Variants in SMIM35 observed in about 807,000 individuals in gnomAD.
SMIM35 encodes small integral membrane protein 35.
At chr11:118,077,461 G>C (rs756311465) in intron 1 of SMIM35, among the ~76,000 whole-genome samples, 1 of 152,118 alleles carries the variant, frequency 6.6e-6, no homozygotes, top group Non-Finnish European at 1.5e-5. Flanking sequence ...ACCCCAGCCC[G>C]GTACACGTCT....
chr11:118,012,988 C>T (rs1328289471), intron 4 of SMIM35, among the ~76,000 whole-genome samples: 1 of 152,170 alleles, frequency 6.6e-6, no homozygotes, highest in African/African-American at 2.4e-5. Flanking sequence ...ATCTGTGACC[C>T]CTCCTACAGG....
intron 1 of SMIM35, among the ~76,000 whole-genome samples, chr11:118,052,794 G>A (rs949399532): frequency 7.9e-5 from 12 of 151,924 alleles, no homozygotes; most frequent in African/African-American, 1.9e-4. Flanking sequence ...CTCACCCTCC[G>A]AGACCCACAG....
At chr11:118,071,060 C>T (rs1429530279) in intron 1 of SMIM35, among the ~76,000 whole-genome samples, 1 of 152,226 alleles carries the variant, frequency 6.6e-6, no homozygotes, top group Non-Finnish European at 1.5e-5. Flanking sequence ...TTTCCACAGG[C>T]AAAAGAGCCT....
At chr11:118,062,026 G>T (rs761004848) in intron 1 of SMIM35, among the ~76,000 whole-genome samples, 2 of 152,110 alleles carry the variant, frequency 1.3e-5, no homozygotes, top group Non-Finnish European at 2.9e-5. Context: ...TTCCAATTTT[G>T]TTTCATCAAA....
At chr11:118,028,083 T>C (rs2058288955) in intron 1 of SMIM35, among the ~76,000 whole-genome samples, 1 of 152,254 alleles carries the variant, frequency 6.6e-6, no homozygotes, top group Non-Finnish European at 1.5e-5. Context: ...TCTGGAGTCA[T>C]GCCAATTGGG....
chr11:118,019,961 T>C (rs1199038795), intron 1 of SMIM35, among the ~76,000 whole-genome samples: 1 of 152,222 alleles, frequency 6.6e-6, no homozygotes, highest in East Asian at 1.9e-4. Context: ...TCTTAATTAC[T>C]ATGGTCTCAT....
intron 1 of SMIM35, chr11:118,025,403 G>T (rs1342861514): frequency 2.5e-6 from 1 of 398,668 alleles, no homozygotes; most frequent in Non-Finnish European, 5.1e-6. Flanking sequence ...TTTACATTTC[G>T]ACCAACAGTG....
At chr11:118,014,285 C>G (rs2058165835) in intron 3 of SMIM35, among the ~76,000 whole-genome samples, 1 of 151,476 alleles carries the variant, frequency 6.6e-6, no homozygotes, top group Non-Finnish European at 1.5e-5. Flanking sequence ...TAGCATCTTT[C>G]TGAATAAATG....
chr11:118,079,505 A>G (rs140280913), intron 1 of SMIM35, among the ~76,000 whole-genome samples: 154 of 152,320 alleles, frequency 1.0e-3, no homozygotes, highest in African/African-American at 3.5e-3. Flanking sequence ...GTCCCATGCT[A>G]ACTACTCCAT....
chr11:118,019,495 G>A (rs1436303188), intron 1 of SMIM35, among the ~76,000 whole-genome samples: 2 of 152,192 alleles, frequency 1.3e-5, no homozygotes, highest in Admixed American at 6.5e-5. Context: ...AGAGAAGGGA[G>A]CTGGACAGAG....
chr11:118,031,683 A>C (rs1365306476), intron 1 of SMIM35: 5 of 152,184 alleles, frequency 3.3e-5, no homozygotes, highest in Non-Finnish European at 7.4e-5. Flanking sequence ...TTAGTTTCAA[A>C]TTCCTCTCCA....
chr11:118,019,461 T>C (rs2058208347), intron 1 of SMIM35, among the ~76,000 whole-genome samples: 1 of 152,140 alleles, frequency 6.6e-6, no homozygotes, highest in South Asian at 2.1e-4. Context: ...CCCAGGAAGC[T>C]AGAATTTACG....
chr11:118,026,144 T>C (rs898926553), intron 1 of SMIM35, among the ~76,000 whole-genome samples: 3 of 152,244 alleles, frequency 2.0e-5, no homozygotes, highest in African/African-American at 4.8e-5. Flanking sequence ...TCTGTTCCAT[T>C]GGTCTAATGT....
intron 1 of SMIM35, among the ~76,000 whole-genome samples, chr11:118,085,226 CTTT>C (rs67063759): frequency 5.6e-5 from 8 of 141,844 alleles, no homozygotes; most frequent in Non-Finnish European, 7.6e-5. Flanking sequence ...TCTTCTTCTT[CTTT>C]TTTTTTTTTT....
chr11:118,068,889 C>A (rs531660498), intron 1 of SMIM35, among the ~76,000 whole-genome samples: 7 of 152,328 alleles, frequency 4.6e-5, no homozygotes, highest in South Asian at 2.1e-4. Context: ...AGCACTCAGT[C>A]AAGCCAGAGC....
chr11:118,024,724 C>T lies in SMIM35; in HGVS notation c.8-8915G>A, dbSNP rs144636216. Among the ~76,000 whole-genome samples, 310 of 152,258 alleles carry T rather than the reference C, an allele frequency of 2.0e-3. 1 individual carries two copies. The highest frequency in any genetic ancestry group is 3.6e-3 in the Non-Finnish European group (248 of 68,018). ...CTGACCTCAGGTGATCTGCCCACCT[C>T]AGCCTCTCAAAGTGCTGGGATTACA... On this transcript the variant is annotated intron_variant, in intron 1 of 4. Coordinates refer to ENST00000689828, the MANE Select transcript of SMIM35 (RefSeq NM_001394165.1).
chr11:118,072,204 T>G (rs888664761), intron 1 of SMIM35, among the ~76,000 whole-genome samples: 1 of 152,114 alleles, frequency 6.6e-6, no homozygotes, highest in African/African-American at 2.4e-5. Context: ...CAGAAACAAC[T>G]GGCAGCCAGG....
intron 1 of SMIM35, among the ~76,000 whole-genome samples, chr11:118,039,438 G>A (rs191739976): frequency 3.8e-4 from 58 of 152,188 alleles, no homozygotes; most frequent in African/African-American, 1.2e-3. Context: ...GGCCTGGCAC[G>A]GTGGCTCACT....
intron 1 of SMIM35, among the ~76,000 whole-genome samples, chr11:118,057,947 G>A (rs907038537): frequency 1.3e-5 from 2 of 152,172 alleles, no homozygotes; most frequent in Admixed American, 6.5e-5. Context: ...AGACATTATC[G>A]TTCAAAGTAA....
Sources: allele counts gnomAD v4.1 joint callset (sites outside exome capture counted in the v4.1 genomes callset), GRCh38; gene constraint gnomAD v4.1.1; transcripts MANE v1.5; gene names NCBI Gene and HGNC (gene_info 2026-07-23, HGNC 2026-07-21).